Variants in DLGAP2 observed in about 807,000 individuals in gnomAD.
DLGAP2 encodes the protein disks large-associated protein 2.
Under a neutral mutation model 100.3 loss-of-function variants are expected in DLGAP2, and 26 were observed. That is an observed-to-expected ratio of 0.26 (90% CI 0.19 to 0.36). DLGAP2 has a LOEUF of 0.36. Ranked by LOEUF, DLGAP2 falls within the 10% of genes least tolerant of loss-of-function variation. DLGAP2 has a pLI of 1.00. For synonymous variants in DLGAP2, 886 were observed against 630.1 expected, an observed-to-expected ratio of 1.41 and a Z score of -6.08; for missense variants, 1,858 against 1,453.2, an observed-to-expected ratio of 1.28 and a Z score of -4.53.
intron 3 of DLGAP2, among the ~76,000 whole-genome samples, chr8:1,424,088 G>A (rs761133151): frequency 1.3e-5 from 2 of 152,230 alleles, no homozygotes; most frequent in African/African-American, 4.8e-5. Flanking sequence ...GCACTCAGAG[G>A]ACACCAGCAT....
At chr8:1,381,116 C>A (rs1288252612) in intron 3 of DLGAP2, 3 of 152,042 alleles carry the variant, frequency 2.0e-5, no homozygotes, top group Non-Finnish European at 4.4e-5. Flanking sequence ...TGAGGAGTTG[C>A]TGTTCGTAAC....
chr8:1,063,283 A>G (rs1803143691), intron 2 of DLGAP2, among the ~76,000 whole-genome samples: 1 of 152,278 alleles, frequency 6.6e-6, no homozygotes. Context: ...GTCTGAAGAG[A>G]CAGTGTTTTA....
At chr8:836,256 G>A (rs989861012) in intron 1 of DLGAP2, among the ~76,000 whole-genome samples, 29 of 152,202 alleles carry the variant, frequency 1.9e-4, no homozygotes, top group African/African-American at 7.0e-4. Flanking sequence ...AGGCTCGGGC[G>A]GGAGATGACT....
At chr8:1,668,806 A>C (rs1798614798) in intron 9 of DLGAP2, 128 bp downstream of exon 9, 1 of 906,764 alleles carries the variant, frequency 1.1e-6, no homozygotes, top group Non-Finnish European at 1.6e-6. Flanking sequence ...GGGCTGTGGA[A>C]TCTGAGAGCA....
intron 2 of DLGAP2, among the ~76,000 whole-genome samples, chr8:1,113,272 G>A (rs1805017141): frequency 6.6e-6 from 1 of 152,162 alleles, no homozygotes; most frequent in African/African-American, 2.4e-5. Context: ...GAATAGCAAT[G>A]AATCTATAAA....
At chr8:1,455,020 T>A (rs1798266703) in intron 3 of DLGAP2, among the ~76,000 whole-genome samples, 1 of 151,876 alleles carries the variant, frequency 6.6e-6, no homozygotes, top group African/African-American at 2.4e-5. Flanking sequence ...GTCAGCTACA[T>A]CTTGGGGGTC....
chr8:1,370,497 G>C (rs111915316), intron 3 of DLGAP2, among the ~76,000 whole-genome samples: 1,772 of 152,248 alleles, frequency 0.012, 33 homozygotes, highest in African/African-American at 0.038. Context: ...TCTATTTAAA[G>C]CATCTATACT....
intron 8 of DLGAP2, among the ~76,000 whole-genome samples, chr8:1,663,752 C>T (rs770240767): frequency 3.9e-5 from 6 of 152,086 alleles, no homozygotes; most frequent in Non-Finnish European, 8.8e-5. Flanking sequence ...AAAATCATCT[C>T]AAGATATTAA....
chr8:1,421,374 A>G (rs1797082934), intron 3 of DLGAP2, among the ~76,000 whole-genome samples: 1 of 152,174 alleles, frequency 6.6e-6, no homozygotes, highest in African/African-American at 2.4e-5. Flanking sequence ...TTGTGACTGC[A>G]GTTCATCAAT....
chr8:1,163,846 C>G (rs978290262), intron 2 of DLGAP2, among the ~76,000 whole-genome samples: 2 of 152,188 alleles, frequency 1.3e-5, no homozygotes. Flanking sequence ...CTCAGGAGCT[C>G]TGCTCAGCAC....
At chr8:1,453,721 C>G (rs6996989) in intron 3 of DLGAP2, among the ~76,000 whole-genome samples, 7 of 152,164 alleles carry the variant, frequency 4.6e-5, no homozygotes, top group Non-Finnish European at 7.3e-5. Context: ...ACTCTTCTCA[C>G]GAGAGTATGC....
In DLGAP2 at chr8:913,135, G is replaced by T. The variant is rs144188869; in HGVS notation, c.73+5169G>T. ...ATGTTGAGTATATTTGTATTACAAG[G>T]TAGGATTTTGGAAGCCTACAGGTTG... On this transcript the variant is annotated intron_variant, in intron 2 of 14. Transcript: ENST00000637795. 2.4e-4 allele frequency among the ~76,000 whole-genome samples: 36 copies of T among 152,298 alleles called. 1 individual carries two copies. The highest frequency in any genetic ancestry group is 8.2e-4 in the African/African-American group (34 of 41,570).
At chr8:1,522,342 C>T (rs964700911) in intron 4 of DLGAP2, among the ~76,000 whole-genome samples, 2 of 152,182 alleles carry the variant, frequency 1.3e-5, no homozygotes, top group African/African-American at 4.8e-5. Flanking sequence ...TGCTGAAAGC[C>T]GAAACAGCTG....
At position 931,160 on chromosome 8, in the gene DLGAP2, G is replaced by T. The variant is rs116594860; in HGVS notation, c.73+23194G>T. On this transcript the variant is annotated intron_variant, in intron 2 of 14. Coordinates refer to ENST00000637795, the MANE Select transcript of DLGAP2 (RefSeq NM_001346810.2). The stretch of plus-strand genomic sequence containing the variant: ...CCGTCAGCTGAAGTCCAGGCACTGA[G>T]GCCACTGCCCTACTGAATCTTGCTC... 5.8e-3 allele frequency among the ~76,000 whole-genome samples: 883 copies of T among 152,300 alleles called. 6 individuals carry two copies. The highest frequency in any genetic ancestry group is 0.02 in the African/African-American group (840 of 41,566).
At position 1,587,806 on chromosome 8, in the gene DLGAP2, C is replaced by T. The variant is rs147368099; in HGVS notation, c.1442+21912C>T. 5.9e-3 allele frequency among the ~76,000 whole-genome samples: 890 copies of T among 152,068 alleles called. 7 individuals carry two copies. The highest frequency in any genetic ancestry group is 0.02 in the African/African-American group (826 of 41,496). ...CAGGCCCTGCTTTTGGTAGGGAGTTCGGTTGAGAGACATAAATAAAATACC... is the reference window on the plus strand; with the variant it reads ...CAGGCCCTGCTTTTGGTAGGGAGTTTGGTTGAGAGACATAAATAAAATACC... On this transcript the variant is annotated intron_variant, in intron 6 of 14. Transcript: ENST00000637795.
chr8:864,076 TAAGTA>T (rs1797444466), intron 1 of DLGAP2, among the ~76,000 whole-genome samples: 1 of 152,164 alleles, frequency 6.6e-6, no homozygotes, highest in Non-Finnish European at 1.5e-5. Context: ...GACGCTTTGC[TAAGTA>T]AAGTGAGCCA....
intron 1 of DLGAP2, among the ~76,000 whole-genome samples, chr8:838,901 G>C (rs1796931369): frequency 6.6e-6 from 1 of 152,230 alleles, no homozygotes; most frequent in African/African-American, 2.4e-5. Flanking sequence ...AACAGCATCT[G>C]AAATGGCGAG....
At chr8:1,348,217 G>A (rs1361339553) in intron 3 of DLGAP2, among the ~76,000 whole-genome samples, 1 of 152,268 alleles carries the variant, frequency 6.6e-6, no homozygotes, top group African/African-American at 2.4e-5. Context: ...TTGCACTCAT[G>A]GTAGCTGTTT....
At chr8:1,361,370 G>T (rs1370440727) in intron 3 of DLGAP2, among the ~76,000 whole-genome samples, 2 of 152,220 alleles carry the variant, frequency 1.3e-5, no homozygotes, top group African/African-American at 2.4e-5. Flanking sequence ...ATAGGACTTG[G>T]ATTTATCTTT....
Sources: allele counts gnomAD v4.1 joint callset (sites outside exome capture counted in the v4.1 genomes callset), GRCh38; gene constraint gnomAD v4.1.1; transcripts MANE v1.5; gene names NCBI Gene and HGNC (gene_info 2026-07-23, HGNC 2026-07-21).